The following ALMS1 variants were observed in gnomAD, a reference collection of about 807,000 sequenced individuals.
The protein encoded by ALMS1 is ALMS1 centrosome and basal body associated protein, also known as centrosome-associated protein ALMS1.
A neutral mutation model predicts 352.2 loss-of-function variants in ALMS1; 271 were observed. That is an observed-to-expected ratio of 0.77 (90% CI 0.70 to 0.85). ALMS1 has a LOEUF of 0.85. Ranked by LOEUF, ALMS1 falls within the 40% of genes least tolerant of loss-of-function variation. The pLI is 0.00. For synonymous variants in ALMS1, 1,865 were observed against 1,761.2 expected (o/e 1.06, Z -1.48); for missense variants, 5,445 against 4,870.7 (o/e 1.12, Z -3.51).
At chr2:73,396,896 G>A (rs908845188) in intron 1 of ALMS1, among the ~76,000 whole-genome samples, 2 of 151,950 alleles carry the variant, frequency 1.3e-5, no homozygotes, top group Non-Finnish European at 1.5e-5. Context: ...CACCCTCCTC[G>A]GCCTCCCAAA....
At position 73,450,072 on chromosome 2, in the gene ALMS1, C is replaced by T. The variant is rs778965893; in HGVS notation, c.3545C>T (p.Thr1182Ile). ...GTTACTGGACCAGGTAACCAGAAGA[C>T]TTGGATACCAAGAGTACTTTCTACC... The part of the protein sequence containing the change: ...SAVTGPGNQK[T>I]WIPRVLSTFY... Residue 1182 changes from threonine (T) to isoleucine (I), a missense_variant, in exon 8 of 23, where the codon ACT (threonine) becomes ATT (isoleucine). Physicochemically the swap from Thr to Ile is moderately conservative, Grantham distance 89. Transcript: ENST00000613296. The T allele has an allele frequency of 1.5e-5, 25 of 1,613,860 alleles. No homozygotes were observed. The highest frequency in any genetic ancestry group is 2.2e-5 in the South Asian group (2 of 91,086).
chr2:73,573,496 C>A, intron 16 of ALMS1, 72 bp downstream of exon 16: 1 of 1,526,824 alleles, frequency 6.5e-7, no homozygotes, highest in South Asian at 1.2e-5. Context: ...GCTTTGCACA[C>A]AGGTGAAAAA....
In ALMS1 at chr2:73,532,437, A is replaced by G. The variant is rs1309774765; in HGVS notation, c.9782-2387A>G. ...TTCTGCTGTGGCTGAACTGGCATCC[A>G]TGCCACAAGACAAAAAGTTCTTATT... On this transcript the variant is annotated intron_variant, in intron 11 of 22. Transcript: ENST00000613296. Among the ~76,000 whole-genome samples the G allele has an allele frequency of 2.0e-5, 3 of 152,274 alleles. No individual in the cohort carries two copies. In the East Asian group the frequency reaches 5.8e-4, roughly 29 times the overall value.
rs750881106 is a variant in ALMS1 at position 73,450,035 on chromosome 2, A to G, written c.3508A>G (p.Lys1170Glu). Residue 1170 changes from lysine to glutamate, a missense_variant, in exon 8 of 23, where the codon AAA (lysine) becomes GAA (glutamate). Physicochemically the swap from Lys to Glu is moderately conservative, Grantham distance 56. Transcript: ENST00000613296. ...PGTHIPEEAQ[K>E]VSAVTGPGNQ... is the part of the protein sequence containing the mutation. ...TACTCATATACCTGAAGAGGCTCAG[A>G]AAGTTTCAGCTGTTACTGGACCAGG... The G allele has an allele frequency of 8.1e-6, 13 of 1,613,866 alleles. 1 individual carries two copies. In the South Asian group the frequency reaches 1.2e-4, roughly 15 times the overall value.
At chr2:73,504,655 C>T (rs1486578087) in intron 10 of ALMS1, among the ~76,000 whole-genome samples, 5 of 152,096 alleles carry the variant, frequency 3.3e-5, no homozygotes, top group Non-Finnish European at 7.4e-5. Flanking sequence ...GGAATTTATA[C>T]AGTATGTTTA....
At chr2:73,551,047 G>A (rs1674421198) in intron 13 of ALMS1, among the ~76,000 whole-genome samples, 1 of 151,884 alleles carries the variant, frequency 6.6e-6, no homozygotes, top group South Asian at 2.1e-4. Flanking sequence ...TTGTAGTGAT[G>A]GGGGTCTCGC....
chr2:73,450,286 G>T lies in ALMS1; in HGVS notation c.3759G>T (p.Leu1253Phe). 1 of 1,613,820 alleles carries T rather than the reference G, an allele frequency of 6.2e-7. No homozygotes were observed. Among genetic ancestry groups the T allele is most frequent in the Non-Finnish European group, 8.5e-7 (1 of 1,179,964 alleles). Reference sequence around the variant, plus strand: ...CTGGTATTTTCTACCAACAGGTCTTGCCAGATAATCATCCAACTGAAGAGG... The same window carrying T: ...CTGGTATTTTCTACCAACAGGTCTTTCCAGATAATCATCCAACTGAAGAGG... ...EKPGIFYQQV[L>F]PDNHPTEEAL... The change falls in exon 8 of 23, where the codon TTG (leucine) becomes TTT (phenylalanine). Residue 1253 changes from leucine to phenylalanine, a missense_variant. Physicochemically the swap from Leu to Phe is conservative, Grantham distance 22. Transcript: ENST00000613296.
chr2:73,552,070 A>T (rs1221235441), intron 13 of ALMS1, among the ~76,000 whole-genome samples: 1 of 152,064 alleles, frequency 6.6e-6, no homozygotes, highest in Non-Finnish European at 1.5e-5. Context: ...TATTATTGTT[A>T]TACTTTAAGT....
chr2:73,606,224 A>AT (rs1675813819), intron 21 of ALMS1, among the ~76,000 whole-genome samples: 1 of 152,260 alleles, frequency 6.6e-6, no homozygotes, highest in African/African-American at 2.4e-5. Flanking sequence ...GAATAAAAAA[A>AT]TAAAGTTTTG....
At chr2:73,559,582 T>G (rs1482567729) in intron 15 of ALMS1, among the ~76,000 whole-genome samples, 2 of 152,086 alleles carry the variant, frequency 1.3e-5, no homozygotes, top group Non-Finnish European at 2.9e-5. Flanking sequence ...TAAAAGCGTA[T>G]AGAACACAAG....
chr2:73,579,065 T>C (rs1312236621), intron 16 of ALMS1, among the ~76,000 whole-genome samples: 1 of 136,512 alleles, frequency 7.3e-6, no homozygotes, highest in African/African-American at 3.1e-5. Context: ...CCTTTATTCT[T>C]TTTTTATTTA....
chr2:73,414,573 A>G (rs979231956), intron 2 of ALMS1, among the ~76,000 whole-genome samples: 3 of 147,090 alleles, frequency 2.0e-5, no homozygotes, highest in African/African-American at 7.4e-5. Context: ...AATTCTTTGA[A>G]AGGAAGTATC....
At chr2:73,584,211 A>G (rs1417230743) in intron 16 of ALMS1, among the ~76,000 whole-genome samples, 1 of 152,122 alleles carries the variant, frequency 6.6e-6, no homozygotes, top group Non-Finnish European at 1.5e-5. Flanking sequence ...ATTTTCCCCA[A>G]CTAACCAATA....
intron 8 of ALMS1, among the ~76,000 whole-genome samples, chr2:73,454,948 A>G (rs961351326): frequency 6.6e-6 from 1 of 152,236 alleles, no homozygotes; most frequent in African/African-American, 2.4e-5. Context: ...GCTTTTTTGT[A>G]GAATTATCTA....
At chr2:73,525,583 A>G (rs1176988238) in intron 11 of ALMS1, among the ~76,000 whole-genome samples, 1 of 152,052 alleles carries the variant, frequency 6.6e-6, no homozygotes, top group African/African-American at 2.4e-5. Flanking sequence ...TTCTTTTGAG[A>G]AATGTTTGTT....
At chr2:73,419,727 ATGT>A (rs1191407375) in intron 3 of ALMS1, among the ~76,000 whole-genome samples, 1 of 152,196 alleles carries the variant, frequency 6.6e-6, no homozygotes, top group Non-Finnish European at 1.5e-5. Flanking sequence ...ATTAAGGCAT[ATGT>A]TATTATCCTT....
At chr2:73,418,507 C>T (rs1182347983) in intron 2 of ALMS1, among the ~76,000 whole-genome samples, 1 of 152,216 alleles carries the variant, frequency 6.6e-6, no homozygotes, top group Non-Finnish European at 1.5e-5. Flanking sequence ...GGCTCAACAG[C>T]TTTGGCTGAA....
At chr2:73,408,947 A>C (rs1316182867) in intron 2 of ALMS1, among the ~76,000 whole-genome samples, 200 bp downstream of exon 2, 1 of 130,570 alleles carries the variant, frequency 7.7e-6, no homozygotes, top group African/African-American at 2.9e-5. Context: ...ATCATAGCTT[A>C]CTGCACCCTC....
chr2:73,392,530 T>C (rs1325132554), intron 1 of ALMS1, among the ~76,000 whole-genome samples: 3 of 152,154 alleles, frequency 2.0e-5, no homozygotes, highest in Non-Finnish European at 4.4e-5. Flanking sequence ...CCATTCCCCA[T>C]ATGCAACTAT....
Sources: gnomAD v4.1 joint callset for allele counts (sites outside exome capture counted in the v4.1 genomes callset) on GRCh38, gnomAD v4.1.1 for gene constraint, MANE v1.5 for transcripts, NCBI Gene and HGNC (gene_info 2026-07-23, HGNC 2026-07-21) for gene names.